Variants in EXT1 observed in about 807,000 individuals in gnomAD.
EXT1 encodes the protein exostosin-1.
A neutral mutation model predicts 82.5 loss-of-function variants in EXT1; 20 were observed. The observed-to-expected ratio is 0.24, with a 90% CI of 0.17 to 0.35. The LOEUF is 0.35. Among genes scored for constraint, EXT1 ranks in the 10% least tolerant of loss-of-function variants. EXT1 has a pLI of 1.00. For synonymous variants in EXT1, 348 were observed against 350.8 expected (o/e 0.99, Z 0.09); for missense variants, 757 against 936.5 (o/e 0.81, Z 2.50).
chr8:117,982,375 A>G (rs1399868802), intron 1 of EXT1, among the ~76,000 whole-genome samples: 3 of 152,210 alleles, frequency 2.0e-5, no homozygotes, highest in Non-Finnish European at 2.9e-5. Flanking sequence ...TTCCTCATGG[A>G]CTGACTCTTT....
chr8:118,086,154 T>C (rs957220808), intron 1 of EXT1, among the ~76,000 whole-genome samples: 1 of 152,148 alleles, frequency 6.6e-6, no homozygotes, highest in Non-Finnish European at 1.5e-5. Context: ...TCAGATAAAA[T>C]AGAAAGTCTA....
At chr8:117,851,976 T>A (rs983240170) in intron 1 of EXT1, among the ~76,000 whole-genome samples, 2 of 152,164 alleles carry the variant, frequency 1.3e-5, no homozygotes, top group Non-Finnish European at 2.9e-5. Context: ...ATGGTGGTAA[T>A]AACTCTAGCT....
At chr8:117,804,388 T>C (rs1022651398) in intron 10 of EXT1, among the ~76,000 whole-genome samples, 1 of 152,156 alleles carries the variant, frequency 6.6e-6, no homozygotes, top group African/African-American at 2.4e-5. Flanking sequence ...CTATGAAAAA[T>C]AAATGTCTGT....
At chr8:118,048,756 T>G (rs1816669913) in intron 1 of EXT1, among the ~76,000 whole-genome samples, 1 of 152,158 alleles carries the variant, frequency 6.6e-6, no homozygotes, top group Non-Finnish European at 1.5e-5. Context: ...GATCTATGAG[T>G]GGAATTAAAT....
intron 1 of EXT1, among the ~76,000 whole-genome samples, chr8:118,057,568 A>G (rs1325545069): frequency 6.6e-6 from 1 of 152,016 alleles, no homozygotes; most frequent in Non-Finnish European, 1.5e-5. Flanking sequence ...AGAAAAAGAA[A>G]AAGAAGAAAG....
chr8:117,869,541 T>C (rs1274214516), intron 1 of EXT1, among the ~76,000 whole-genome samples: 1 of 152,204 alleles, frequency 6.6e-6, no homozygotes, highest in African/African-American at 2.4e-5. Flanking sequence ...AAAACACACT[T>C]AGTAAATTTC....
chr8:118,063,622 G>C (rs1274623882), intron 1 of EXT1, among the ~76,000 whole-genome samples: 1 of 152,152 alleles, frequency 6.6e-6, no homozygotes, highest in Non-Finnish European at 1.5e-5. Context: ...GAATACTGAG[G>C]GGTCTGTTTA....
chr8:117,894,916 A>G (rs367940997), intron 1 of EXT1, among the ~76,000 whole-genome samples: 2 of 152,354 alleles, frequency 1.3e-5, no homozygotes, highest in East Asian at 3.9e-4. Context: ...GGAAGTGATA[A>G]AGGAGCTAAA....
chr8:118,094,701 T>A (rs1429954102), intron 1 of EXT1, among the ~76,000 whole-genome samples: 1 of 152,190 alleles, frequency 6.6e-6, no homozygotes, highest in Non-Finnish European at 1.5e-5. Flanking sequence ...CTGACCAAGG[T>A]CTCGTAGCTA....
intron 1 of EXT1, among the ~76,000 whole-genome samples, chr8:117,911,970 T>C (rs887046364): frequency 1.3e-5 from 2 of 151,370 alleles, no homozygotes; most frequent in African/African-American, 4.9e-5. Context: ...AGGATATCCC[T>C]GCAGAAATGC....
At chr8:117,822,363 G>C in intron 5 of EXT1, 102 bp downstream of exon 5, 1 of 1,280,120 alleles carries the variant, frequency 7.8e-7, no homozygotes, top group African/African-American at 1.5e-5. Context: ...TTCAATGCAG[G>C]GTGTTAGATG....
intron 1 of EXT1, among the ~76,000 whole-genome samples, chr8:118,063,749 T>C (rs190301952): frequency 6.6e-6 from 1 of 152,380 alleles, no homozygotes; most frequent in East Asian, 1.9e-4. Context: ...CAGACTGTTT[T>C]GCTGTAGGTT....
chr8:118,021,637 A>G (rs1455168538), intron 1 of EXT1, among the ~76,000 whole-genome samples: 1 of 152,224 alleles, frequency 6.6e-6, no homozygotes, highest in African/African-American at 2.4e-5. Context: ...TCTGTACAAC[A>G]GAATCGTTTC....
chr8:117,885,847 T>C (rs1172151156), intron 1 of EXT1, among the ~76,000 whole-genome samples: 1 of 152,228 alleles, frequency 6.6e-6, no homozygotes, highest in East Asian at 1.9e-4. Context: ...GCTTCCCAAC[T>C]CCATTATCTC....
intron 1 of EXT1, among the ~76,000 whole-genome samples, chr8:117,894,151 A>C (rs1813295286): frequency 6.6e-6 from 1 of 151,600 alleles, no homozygotes; most frequent in African/African-American, 2.4e-5. Flanking sequence ...TACTACTCTA[A>C]TCACTCTCTG....
chr8:117,806,166 T>C (rs1823232975), intron 9 of EXT1, among the ~76,000 whole-genome samples: 1 of 152,188 alleles, frequency 6.6e-6, no homozygotes, highest in African/African-American at 2.4e-5. Context: ...ATCTCTTGCC[T>C]AGATAATGTC....
intron 1 of EXT1, among the ~76,000 whole-genome samples, chr8:117,997,950 A>G (rs1434613621): frequency 6.6e-6 from 1 of 151,256 alleles, no homozygotes; most frequent in Non-Finnish European, 1.5e-5. Flanking sequence ...CAAAGGATCT[A>G]TCTTCTTTGA....
At chr8:118,006,029 T>C (rs1402530526) in intron 1 of EXT1, among the ~76,000 whole-genome samples, 1 of 152,222 alleles carries the variant, frequency 6.6e-6, no homozygotes, top group Non-Finnish European at 1.5e-5. Context: ...AATGTTAACA[T>C]GAACTTGAGG....
At chr8:117,801,694 TG>T (rs1823168980) in intron 10 of EXT1, among the ~76,000 whole-genome samples, 1 of 152,076 alleles carries the variant, frequency 6.6e-6, no homozygotes, top group African/African-American at 2.4e-5. Flanking sequence ...TTAGTAGAGA[TG>T]GGGTTTTGCC....
Sources: allele counts gnomAD v4.1 joint callset (sites outside exome capture counted in the v4.1 genomes callset), GRCh38; gene constraint gnomAD v4.1.1; transcripts MANE v1.5; gene names NCBI Gene and HGNC (gene_info 2026-07-23, HGNC 2026-07-21).